The following HPCAL1 variants were observed in gnomAD, a reference collection of about 807,000 sequenced individuals.
HPCAL1 encodes the protein hippocalcin like 1, also known as hippocalcin-like protein 1.
HPCAL1 carries 8 observed loss-of-function variants against 17.1 expected under a neutral mutation model. That is an observed-to-expected ratio of 0.47 (90% CI 0.27 to 0.84). HPCAL1 has a LOEUF of 0.84. HPCAL1 is among the 40% of genes least tolerant of loss of function. HPCAL1 has a pLI of 0.13. For missense variants in HPCAL1, 165 were observed against 271.1 expected, an observed-to-expected ratio of 0.61 and a Z score of 2.75; for synonymous variants, 112 against 111.4, an observed-to-expected ratio of 1.01 and a Z score of -0.03.
chr2:10,331,618 G>A lies in HPCAL1; in HGVS notation c.-111+28441G>A, dbSNP rs922545762. Among the ~76,000 whole-genome samples the A allele has an allele frequency of 6.6e-6, 1 of 152,196 alleles. No individual in the cohort carries two copies. Among genetic ancestry groups the A allele is most frequent in the Non-Finnish European group, 1.5e-5 (1 of 68,042 alleles). The stretch of plus-strand genomic sequence containing the variant: ...TGTGCTTTGGGCCCAGCTGCACTGT[G>A]CCCGGGGTCCAGGGATGGGTGTGAG... On this transcript the variant is annotated intron_variant, in intron 1 of 4. Transcript: ENST00000307845. This position sits in a 1 kb window ranked among gnomAD's most constrained non-coding sequence, Gnocchi z 5.0.
In HPCAL1 at chr2:10,419,890, G is replaced by A; in HGVS notation, c.133G>A (p.Val45Met). ...LKDCPTGHLT[V>M]DEFKKIYANF... ...GGACTGCCCCACCGGCCACCTGACC[G>A]TGGACGAGTTCAAGAAGATCTACGC... Residue 45 changes from valine to methionine, a missense_variant, in exon 3 of 5, where the codon GTG (valine) becomes ATG (methionine). By Grantham distance (21) the Val-to-Met change is conservative. Transcript: ENST00000307845. This position sits in a 1 kb window ranked among gnomAD's most constrained non-coding sequence, Gnocchi z 5.0. 2.5e-6 allele frequency: 4 copies of A among 1,613,928 alleles called. No individual in the cohort carries two copies. Among genetic ancestry groups the A allele is most frequent in the Non-Finnish European group, 3.4e-6 (4 of 1,180,018 alleles).
At chr2:10,381,717 A>C (rs1364432700) in intron 1 of HPCAL1, among the ~76,000 whole-genome samples, 1 of 152,220 alleles carries the variant, frequency 6.6e-6, no homozygotes, top group Non-Finnish European at 1.5e-5. Flanking sequence ...AGGGAATTGT[A>C]AATCAAAGCA....
At chr2:10,391,022 G>T (rs183265639) in intron 1 of HPCAL1, among the ~76,000 whole-genome samples, 6 of 152,316 alleles carry the variant, frequency 3.9e-5, no homozygotes, top group Admixed American at 1.3e-4. Flanking sequence ...GCTTATGTCT[G>T]ACTGCCTACC....
At chr2:10,333,007 G>A (rs537358645) in intron 1 of HPCAL1, among the ~76,000 whole-genome samples, 1 of 152,072 alleles carries the variant, frequency 6.6e-6, no homozygotes, top group African/African-American at 2.4e-5. Flanking sequence ...TCTTTGTTGG[G>A]GCTCTGTGGG....
At chr2:10,368,234 CAT>C (rs1491321352) in intron 1 of HPCAL1, among the ~76,000 whole-genome samples, 248 of 129,634 alleles carry the variant, frequency 1.9e-3, no homozygotes, top group African/African-American at 6.9e-3. Flanking sequence ...TACACATATG[CAT>C]GTGTGTGTGT....
intron 2 of HPCAL1, among the ~76,000 whole-genome samples, chr2:10,399,256 CCACCAT>C (rs1669301879): frequency 1.0e-4 from 8 of 76,968 alleles, no homozygotes; most frequent in Non-Finnish European, 1.5e-4. Flanking sequence ...ACCACCACCA[CCACCAT>C]CACCACCACC....
chr2:10,337,494 A>G (rs1178734438), intron 1 of HPCAL1, among the ~76,000 whole-genome samples: 2 of 152,188 alleles, frequency 1.3e-5, no homozygotes, highest in East Asian at 3.8e-4. Flanking sequence ...CACCGTGACT[A>G]TAACAGCATA....
intron 2 of HPCAL1, among the ~76,000 whole-genome samples, chr2:10,412,578 G>T (rs775400662): frequency 6.6e-6 from 1 of 152,248 alleles, no homozygotes; most frequent in African/African-American, 2.4e-5. Context: ...TGGCCAGAGT[G>T]TAGTCACATG....
In HPCAL1 at chr2:10,415,412, C is replaced by T. The variant is rs558747529; in HGVS notation, c.-24-4322C>T. 3.9e-5 allele frequency among the ~76,000 whole-genome samples: 6 copies of T among 152,282 alleles called. No individual in the cohort carries two copies. In the East Asian group the frequency reaches 1.2e-3, roughly 29 times the overall value. On this transcript the variant is annotated intron_variant, in intron 2 of 4. Transcript: ENST00000307845. ...CCCATAAAACCAGTTATTCCTCATC[C>T]TCATAAGCGCTCCTAGGACACTTGC... is the stretch of plus-strand genomic sequence containing the variant.
In HPCAL1 at chr2:10,401,777, C is replaced by T. The variant is rs532228652; in HGVS notation, c.-25+4857C>T. Among the ~76,000 whole-genome samples the T allele has an allele frequency of 3.3e-5, 5 of 152,328 alleles. No homozygotes were observed. The South Asian group carries it at 1.0e-3, about 32-fold the overall frequency. On this transcript the variant is annotated intron_variant, in intron 2 of 4. Coordinates refer to ENST00000307845, the MANE Select transcript of HPCAL1 (RefSeq NM_002149.4). ...CCTTGGGAAAAGGGTCAGGAGAGAACTGGGGCCCAGCTGGGAAGCTGGAGG... is the reference window on the plus strand; with the variant it reads ...CCTTGGGAAAAGGGTCAGGAGAGAATTGGGGCCCAGCTGGGAAGCTGGAGG...
chr2:10,411,287 G>A (rs564083635), intron 2 of HPCAL1, among the ~76,000 whole-genome samples: 5 of 152,286 alleles, frequency 3.3e-5, no homozygotes, highest in East Asian at 1.9e-4. Context: ...ATGGGAAGGA[G>A]GTGGGCTCTC....
chr2:10,383,372 CT>C (rs1354645892), intron 1 of HPCAL1, among the ~76,000 whole-genome samples: 2 of 151,482 alleles, frequency 1.3e-5, no homozygotes, highest in Non-Finnish European at 2.9e-5. Flanking sequence ...ACCCACCCCC[CT>C]TTTTTTTCAG....
chr2:10,404,267 C>T lies in HPCAL1; in HGVS notation c.-25+7347C>T, dbSNP rs7587689. 2.0e-3 allele frequency among the ~76,000 whole-genome samples: 308 copies of T among 152,254 alleles called. 3 individuals carry two copies. Among genetic ancestry groups the T allele is most frequent in the African/African-American group, 7.1e-3 (296 of 41,548 alleles). On this transcript the variant is annotated intron_variant, in intron 2 of 4. Transcript: ENST00000307845. ...ACCTTAGCCAGACTCTGGCCTCCTC[C>T]CCAGCTGTGTCCCCGCCAGCCCTTC...
chr2:10,374,999 G>A (rs1388329689), intron 1 of HPCAL1, among the ~76,000 whole-genome samples: 1 of 152,214 alleles, frequency 6.6e-6, no homozygotes, highest in East Asian at 1.9e-4. Flanking sequence ...CAGCCGCAGA[G>A]GAGTAGGCCT....
intron 1 of HPCAL1, among the ~76,000 whole-genome samples, chr2:10,375,504 G>A (rs1284496046): frequency 6.6e-6 from 1 of 152,204 alleles, no homozygotes; most frequent in Non-Finnish European, 1.5e-5. Context: ...GTGTCCTTTA[G>A]GAAGCTTGAA....
intron 1 of HPCAL1, among the ~76,000 whole-genome samples, chr2:10,320,014 G>A (rs1379757891): frequency 6.6e-6 from 1 of 151,996 alleles, no homozygotes; most frequent in East Asian, 1.9e-4. Flanking sequence ...GCCTGCCTGG[G>A]AGGCCCTCTT....
At position 10,399,229 on chromosome 2, in the gene HPCAL1, C is replaced by T. The variant is rs866295940; in HGVS notation, c.-25+2309C>T. Among the ~76,000 whole-genome samples, 88 of 46,582 alleles carry T rather than the reference C, an allele frequency of 1.9e-3. 2 individuals carry two copies. The highest frequency in any genetic ancestry group is 0.018 in the Middle Eastern group (2 of 114). The allele number at this position is 46,582 out of a possible 152,430, so 30.6% of individuals were successfully genotyped here. Reference sequence around the variant, plus strand: ...CACTGCACCACCACCACCACCACCACCACCACCACCATCACCACCACCACC... The same window carrying T: ...CACTGCACCACCACCACCACCACCATCACCACCACCATCACCACCACCACC... On this transcript the variant is annotated intron_variant, in intron 2 of 4. Transcript: ENST00000307845.
At chr2:10,408,283 C>T (rs1303443917) in intron 2 of HPCAL1, among the ~76,000 whole-genome samples, 1 of 150,488 alleles carries the variant, frequency 6.6e-6, no homozygotes, top group Non-Finnish European at 1.5e-5. Flanking sequence ...TCTCTCTTCT[C>T]ATATGTTATG....
At chr2:10,381,534 T>C (rs1313142448) in intron 1 of HPCAL1, among the ~76,000 whole-genome samples, 1 of 152,224 alleles carries the variant, frequency 6.6e-6, no homozygotes, top group Non-Finnish European at 1.5e-5. Flanking sequence ...TCAGCCTGTC[T>C]TCTGGGCAAC....
Sources: gnomAD v4.1 joint callset for allele counts (sites outside exome capture counted in the v4.1 genomes callset) on GRCh38, gnomAD v4.1.1 for gene constraint, Gnocchi (gnomAD v3.1) non-coding constraint, MANE v1.5 for transcripts, NCBI Gene and HGNC (gene_info 2026-07-23, HGNC 2026-07-21) for gene names.